Variants in BRI3 observed in about 807,000 individuals in gnomAD.
BRI3 encodes brain protein I3, also known as membrane protein BRI3.
In BRI3, 6 loss-of-function variants were observed where a neutral mutation model predicts 12.8. The observed-to-expected ratio is 0.47, with a 90% CI of 0.26 to 0.93. The LOEUF is 0.93. Ranked by LOEUF, BRI3 falls within the 40% of genes least tolerant of loss-of-function variation. BRI3 has a pLI of 0.15. For synonymous variants in BRI3, 91 were observed against 76.1 expected, an observed-to-expected ratio of 1.20 and a Z score of -1.02; for missense variants, 134 against 171.1, an observed-to-expected ratio of 0.78 and a Z score of 1.21.
chr7:98,293,436 G>A (rs1364260168), downstream of BRI3: 11 of 1,297,170 alleles, frequency 8.5e-6, no homozygotes, highest in Admixed American at 1.8e-5. Context: ...GAAGCTTCCC[G>A]ACCGTCAGCA....
At chr7:98,287,697 G>A (rs1189576950) in intron 2 of BRI3, among the ~76,000 whole-genome samples, 3 of 152,216 alleles carry the variant, frequency 2.0e-5, no homozygotes, top group Non-Finnish European at 2.9e-5. Flanking sequence ...GGAGAATTAG[G>A]AAGCAGGAGG....
At chr7:98,292,941 G>C (rs1041118690), downstream of BRI3, 4 of 1,276,390 alleles carry the variant, frequency 3.1e-6, no homozygotes, top group African/African-American at 6.1e-5. Flanking sequence ...GCACTCTACA[G>C]CTCTGGCGTG....
At chr7:98,283,416 C>T (rs1030819442) in intron 2 of BRI3, among the ~76,000 whole-genome samples, 4 of 151,980 alleles carry the variant, frequency 2.6e-5, no homozygotes, top group Non-Finnish European at 5.9e-5. Flanking sequence ...GCTGGGACCT[C>T]GGGGGCAGGT....
chr7:98,282,366 A>G lies in BRI3; in HGVS notation c.158A>G (p.His53Arg). 2 of 1,613,948 alleles carry G rather than the reference A, an allele frequency of 1.2e-6. No homozygotes were observed. Among genetic ancestry groups the G allele is most frequent in the East Asian group, 2.2e-5 (1 of 44,866 alleles). Residue 53 changes from histidine to arginine, a missense_variant, in exon 2 of 3, where the codon CAT (histidine) becomes CGT (arginine). Physicochemically the swap from His to Arg is conservative, Grantham distance 29. Coordinates refer to ENST00000297290, the MANE Select transcript of BRI3 (RefSeq NM_015379.5). ...PYLVTGIPTH[H>R]PRVYNIHSRT... ...CCGCCCACAGGGATACCCACCCACC[A>G]TCCCAGGGTCTACAACATCCACAGC... is the stretch of plus-strand genomic sequence containing the variant.
At chr7:98,283,284 A>G (rs1351313948) in intron 2 of BRI3, among the ~76,000 whole-genome samples, 1 of 152,090 alleles carries the variant, frequency 6.6e-6, no homozygotes, top group Admixed American at 6.6e-5. Flanking sequence ...GTTTGGACTT[A>G]GACTTGATTT....
At chr7:98,304,750 T>C (rs1039225610), upstream of BRI3, among the ~76,000 whole-genome samples, 1 of 151,942 alleles carries the variant, frequency 6.6e-6, no homozygotes, top group Admixed American at 6.6e-5. Flanking sequence ...GGTTTCACCA[T>C]ATTGGCCAGG....
the BRI3 span, chr7:98,320,122 T>C: frequency 1.2e-6 from 2 of 1,612,154 alleles, no homozygotes; most frequent in Non-Finnish European, 1.7e-6. Flanking sequence ...TTTGTGGAAT[T>C]TTTTAAACTG....
chr7:98,293,958 G>A, downstream of BRI3: 1 of 1,231,354 alleles, frequency 8.1e-7, no homozygotes, highest in Non-Finnish European at 1.2e-6. Context: ...TGGCTCCACA[G>A]GCCGAGGCCT....
chr7:98,300,200 G>A (rs1800363119), intron 1 of BRI3, among the ~76,000 whole-genome samples: 1 of 152,164 alleles, frequency 6.6e-6, no homozygotes, highest in Non-Finnish European at 1.5e-5. Flanking sequence ...ACACATGCTT[G>A]ATCCATGATC....
In BRI3 at chr7:98,308,303, C is replaced by A. The variant is rs562371996; in HGVS notation, n.933C>A. The A allele has an allele frequency of 1.3e-5, 6 of 462,168 alleles. No homozygotes were observed. The East Asian group carries it at 3.4e-4, about 26-fold the overall frequency. The allele number at this position is 462,168 out of a possible 1,614,324, so 28.6% of individuals were successfully genotyped here. A position where few individuals can be genotyped will look rare whatever the true frequency, so the allele number is the denominator to read the frequency against. On this transcript the variant is annotated non_coding_transcript_exon_variant, in exon 2 of 2. Coordinates refer to the BRI3 transcript ENST00000485422. ...AGGGCCACAGTTCAAACCCAACTGCCAATGTCCACAAAGAAAAGAAGAAAG... is the reference window on the plus strand; with the variant it reads ...AGGGCCACAGTTCAAACCCAACTGCAAATGTCCACAAAGAAAAGAAGAAAG...
downstream of BRI3, chr7:98,292,975 TCC>T: frequency 8.4e-7 from 1 of 1,197,354 alleles, no homozygotes; most frequent in Non-Finnish European, 1.0e-6. Flanking sequence ...TGGGGGTTTC[TCC>T]ATCTCTGGAA....
chr7:98,319,883 C>T, the BRI3 span, among the ~76,000 whole-genome samples: 100 of 152,180 alleles, frequency 6.6e-4, 1 homozygote, highest in African/African-American at 2.2e-3. Flanking sequence ...CAAGTGTTAG[C>T]GAAAACCGGC....
downstream of BRI3, among the ~76,000 whole-genome samples, chr7:98,295,171 G>A (rs6949718): frequency 0.38 from 58,241 of 152,174 alleles, 12,735 homozygotes; most frequent in Middle Eastern, 0.54. Context: ...AGCGCAGGCC[G>A]TTCCTGGACA....
downstream of BRI3, chr7:98,293,526 G>T: frequency 1.2e-6 from 2 of 1,613,216 alleles, no homozygotes; most frequent in Non-Finnish European, 1.7e-6. Flanking sequence ...TCCTCTCATC[G>T]AATGATGGGT....
intron 1 of BRI3, among the ~76,000 whole-genome samples, chr7:98,298,485 C>T (rs563009323): frequency 0.015 from 2,328 of 151,740 alleles, 29 homozygotes; most frequent in Non-Finnish European, 0.025. Context: ...TAGTGGCGGG[C>T]GCCTGTAGTC....
the BRI3 span, among the ~76,000 whole-genome samples, chr7:98,321,938 A>G: frequency 6.6e-6 from 1 of 152,178 alleles, no homozygotes; most frequent in Non-Finnish European, 1.5e-5. Context: ...TCTATTAAAA[A>G]TACAAAAATT....
chr7:98,290,191 T>TTTTTG (rs1799864860), intron 2 of BRI3, among the ~76,000 whole-genome samples: 1 of 140,214 alleles, frequency 7.1e-6, no homozygotes, highest in African/African-American at 2.8e-5. Context: ...GTTTTTTTTT[T>TTTTTG]TTTTTTTTTT....
downstream of BRI3, chr7:98,292,906 T>C: frequency 7.1e-7 from 1 of 1,411,234 alleles, no homozygotes; most frequent in Non-Finnish European, 9.2e-7. Context: ...CGTGTGGCTG[T>C]GATAAGGGCA....
At chr7:98,315,678 A>G in the BRI3 span, 1 of 784,144 alleles carries the variant, frequency 1.3e-6, no homozygotes, top group Non-Finnish European at 1.7e-6. Context: ...GATAGCGTGC[A>G]GCCTGACGTT....
Sources: gnomAD v4.1 joint callset for allele counts (sites outside exome capture counted in the v4.1 genomes callset) on GRCh38, gnomAD v4.1.1 for gene constraint, MANE v1.5 for transcripts, NCBI Gene and HGNC (gene_info 2026-07-23, HGNC 2026-07-21) for gene names.